The following GRIN2A variants were observed in gnomAD, a reference collection of about 807,000 sequenced individuals.
GRIN2A encodes glutamate ionotropic receptor NMDA type subunit 2A.
Under a neutral mutation model 113.4 loss-of-function variants are expected in GRIN2A, and 22 were observed. The ratio of observed to expected loss-of-function variants is 0.19; its 90% confidence interval spans 0.14 to 0.28. The LOEUF (loss-of-function observed/expected upper bound fraction) is 0.28. Ranked by LOEUF, GRIN2A falls within the 10% of genes least tolerant of loss-of-function variation. The pLI is 1.00. For synonymous variants in GRIN2A, 827 were observed against 738.4 expected (o/e 1.12, Z -1.94); for missense variants, 1,502 against 1,887.0 (o/e 0.80, Z 3.78).
chr16:9,900,811 C>A (rs2043906885), intron 3 of GRIN2A, among the ~76,000 whole-genome samples: 1 of 152,178 alleles, frequency 6.6e-6, no homozygotes, highest in Non-Finnish European at 1.5e-5. Flanking sequence ...CACCTAACCA[C>A]TTTGAACCAG....
chr16:9,810,158 G>A (rs958725531), intron 10 of GRIN2A, among the ~76,000 whole-genome samples: 1 of 152,166 alleles, frequency 6.6e-6, no homozygotes, highest in Admixed American at 6.5e-5. Context: ...AAATTGGCCA[G>A]CACAATTACC....
At chr16:10,135,169 G>T (rs984435972) in intron 2 of GRIN2A, among the ~76,000 whole-genome samples, 1 of 152,180 alleles carries the variant, frequency 6.6e-6, no homozygotes, top group Non-Finnish European at 1.5e-5. Context: ...TTCATTGCTT[G>T]CAAGTTCAGA....
At chr16:9,776,334 G>A (rs1156904484) in intron 11 of GRIN2A, among the ~76,000 whole-genome samples, 1 of 150,134 alleles carries the variant, frequency 6.7e-6, no homozygotes, top group African/African-American at 2.5e-5. Context: ...ATTGTCACTG[G>A]GAGGTGAGTT....
chr16:10,055,318 A>G (rs1431178250), intron 2 of GRIN2A, among the ~76,000 whole-genome samples: 1 of 152,106 alleles, frequency 6.6e-6, no homozygotes, highest in Admixed American at 6.6e-5. Context: ...AAAATCTGAA[A>G]TAAATGTGAC....
At chr16:9,971,551 G>C (rs1355225938) in intron 2 of GRIN2A, among the ~76,000 whole-genome samples, 1 of 152,194 alleles carries the variant, frequency 6.6e-6, no homozygotes, top group African/African-American at 2.4e-5. Flanking sequence ...CTTGTTTCTA[G>C]CTCCTGTATC....
intron 2 of GRIN2A, among the ~76,000 whole-genome samples, chr16:10,081,460 C>T (rs528896899): frequency 1.2e-4 from 19 of 152,260 alleles, no homozygotes; most frequent in African/African-American, 4.6e-4. Context: ...GAAAAAGTGT[C>T]TAGTGGCTGG....
chr16:10,011,818 T>C (rs1400060267), intron 2 of GRIN2A, among the ~76,000 whole-genome samples: 1 of 152,236 alleles, frequency 6.6e-6, no homozygotes, highest in Non-Finnish European at 1.5e-5. Context: ...CCATGATGCC[T>C]GTCCAAACCC....
At chr16:9,816,800 A>G (rs2042194924) in intron 10 of GRIN2A, among the ~76,000 whole-genome samples, 1 of 152,202 alleles carries the variant, frequency 6.6e-6, no homozygotes, top group South Asian at 2.1e-4. Context: ...CCTTACAGAG[A>G]TTCTGATTCA....
chr16:9,878,675 G>T (rs572130198), intron 4 of GRIN2A, among the ~76,000 whole-genome samples: 1 of 152,176 alleles, frequency 6.6e-6, no homozygotes, highest in Non-Finnish European at 1.5e-5. Flanking sequence ...TTCCCATAGA[G>T]ATGTCTTTTC....
At chr16:10,018,423 G>C (rs555575264) in intron 2 of GRIN2A, among the ~76,000 whole-genome samples, 2 of 152,186 alleles carry the variant, frequency 1.3e-5, no homozygotes, top group African/African-American at 2.4e-5. Context: ...TGATGTGACA[G>C]AAGCCCCTGG....
Position 10,111,851 on chromosome 16 carries a change from T to C in GRIN2A, c.414+68147A>G. Reference sequence around the variant, plus strand: ...ACCATGGGGAGCAAGTTGGTGGGCATCATCTCCTCCCGAGACATCAACTTT... The same window carrying C: ...ACCATGGGGAGCAAGTTGGTGGGCACCATCTCCTCCCGAGACATCAACTTT... On this transcript the variant is annotated intron_variant, in intron 2 of 12. Coordinates refer to ENST00000330684, the MANE Select transcript of GRIN2A (RefSeq NM_001134407.3). 17 of 1,060,792 alleles carry C rather than the reference T, an allele frequency of 1.6e-5. No homozygotes were observed. The South Asian group carries it at 2.2e-4, about 14-fold the overall frequency. 65.7% of individuals were successfully genotyped at this position (1,060,792 alleles called of 1,614,324 possible). A position where few individuals can be genotyped will look rare whatever the true frequency, so the allele number is the denominator to read the frequency against.
chr16:10,110,060 C>T (rs1431244681), intron 2 of GRIN2A, among the ~76,000 whole-genome samples: 1 of 151,422 alleles, frequency 6.6e-6, no homozygotes, highest in Non-Finnish European at 1.5e-5. Context: ...CATCCCCCCA[C>T]CCCACAACAG....
rs1555455124 is a variant in GRIN2A at position 9,934,678 on chromosome 16, T to TTAAAAAA, written c.1007+3280_1007+3281insTTTTTTA. ...CTGGGAGACAGAGCGAGACTCTGTC[T>TTAAAAAA]AAAAAAAAAAAAAAAAAAAAAAAAA... On this transcript the variant is annotated intron_variant, in intron 3 of 12. Transcript: ENST00000330684. 3.3e-4 allele frequency among the ~76,000 whole-genome samples: 17 copies of TTAAAAAA among 50,936 alleles called. 2 individuals are homozygous for TTAAAAAA. Among genetic ancestry groups the TTAAAAAA allele is most frequent in the Non-Finnish European group, 4.4e-4 (13 of 29,440 alleles). The allele number at this position is 50,936 out of a possible 152,430, so 33.4% of individuals were successfully genotyped here.
chr16:10,136,379 T>C (rs1173748031), intron 2 of GRIN2A, among the ~76,000 whole-genome samples: 1 of 152,058 alleles, frequency 6.6e-6, no homozygotes, highest in Non-Finnish European at 1.5e-5. Flanking sequence ...AAGGAGGAGA[T>C]TCATTTGCAA....
intron 4 of GRIN2A, among the ~76,000 whole-genome samples, chr16:9,853,881 AC>A (rs1426906115): frequency 5.9e-5 from 9 of 152,190 alleles, no homozygotes; most frequent in Non-Finnish European, 1.3e-4. Context: ...CAGCAAAAAA[AC>A]CCATTATATA....
intron 2 of GRIN2A, among the ~76,000 whole-genome samples, chr16:10,141,347 G>A (rs1311996096): frequency 6.6e-6 from 1 of 152,054 alleles, no homozygotes; most frequent in Non-Finnish European, 1.5e-5. Flanking sequence ...AAATAGCCAG[G>A]CATGGTGGTA....
At chr16:9,765,865 C>T (rs924216245) in intron 12 of GRIN2A, among the ~76,000 whole-genome samples, 3 of 152,330 alleles carry the variant, frequency 2.0e-5, no homozygotes, top group Non-Finnish European at 2.9e-5. Context: ...AACTGAATGA[C>T]TTAAGGGCTC....
intron 11 of GRIN2A, among the ~76,000 whole-genome samples, chr16:9,791,910 T>G (rs977344748): frequency 1.3e-5 from 2 of 152,168 alleles, no homozygotes; most frequent in African/African-American, 4.8e-5. Context: ...ATCATTATGC[T>G]GAATGGTGCT....
At chr16:9,837,435 G>A (rs530775075) in intron 7 of GRIN2A, among the ~76,000 whole-genome samples, 2 of 152,242 alleles carry the variant, frequency 1.3e-5, no homozygotes, top group East Asian at 1.9e-4. Context: ...TAGAGAAACT[G>A]GGTTGAGGCC....
Sources: gnomAD v4.1 joint callset for allele counts (sites outside exome capture counted in the v4.1 genomes callset) on GRCh38, gnomAD v4.1.1 for gene constraint, MANE v1.5 for transcripts, NCBI Gene and HGNC (gene_info 2026-07-23, HGNC 2026-07-21) for gene names.